The following KIF6 variants were observed in gnomAD, a reference collection of about 807,000 sequenced individuals.
KIF6 encodes the protein kinesin-like protein KIF6.
Under a neutral mutation model 112.7 loss-of-function variants are expected in KIF6, and 106 were observed. The observed-to-expected ratio is 0.94, with a 90% CI of 0.80 to 1.11. The LOEUF (loss-of-function observed/expected upper bound fraction) is 1.11. KIF6 is among the 50% of genes least tolerant of loss of function. The probability of loss-of-function intolerance (pLI) is 0.00; values close to 1 mark genes in which losing one functional copy is unlikely to be tolerated. For synonymous variants in KIF6, 339 were observed against 339.9 expected, an observed-to-expected ratio of 1.00 and a Z score of 0.03; for missense variants, 929 against 964.0, an observed-to-expected ratio of 0.96 and a Z score of 0.48.
intron 3 of KIF6, among the ~76,000 whole-genome samples, chr6:39,645,321 T>C (rs1411482523): frequency 6.6e-6 from 1 of 152,176 alleles, no homozygotes; most frequent in Non-Finnish European, 1.5e-5. Context: ...CACATTTACA[T>C]GCTAGAAAAA....
chr6:39,343,467 G>T lies in KIF6; in HGVS notation c.2428+242C>A. 6.8e-7 allele frequency: 1 copy of T among 1,468,652 alleles called. No homozygotes were observed. The highest frequency in any genetic ancestry group is 9.1e-7 in the Non-Finnish European group (1 of 1,104,262). 91.0% of individuals were successfully genotyped at this position (1,468,652 alleles called of 1,614,324 possible). A position where few individuals can be genotyped will look rare whatever the true frequency, so the allele number is the denominator to read the frequency against. ...AGAGACAGAGAGCAAGCTCTGCCAA[G>T]AGGGACAGGAGCACCTGGGCCGCCC... On this transcript the variant is annotated intron_variant, in intron 22 of 22. Coordinates refer to ENST00000287152, the MANE Select transcript of KIF6 (RefSeq NM_145027.6). The surrounding 1 kb of genome is among the most constrained non-coding windows in gnomAD (Gnocchi z 4.1).
Position 39,476,862 on chromosome 6 carries a change from C to G in KIF6, c.1646-45701G>C, listed in dbSNP as rs537350925. Reference sequence around the variant, plus strand: ...GTTGCTTTTATAACTGCACTGTGAGCTTATCATATTTTATGCTTCTTGAGG... The same window carrying G: ...GTTGCTTTTATAACTGCACTGTGAGGTTATCATATTTTATGCTTCTTGAGG... On this transcript the variant is annotated intron_variant, in intron 13 of 22. Coordinates refer to ENST00000287152, the MANE Select transcript of KIF6 (RefSeq NM_145027.6). Among the ~76,000 whole-genome samples the G allele has an allele frequency of 3.3e-5, 5 of 152,286 alleles. No individual in the cohort carries two copies. In the East Asian group the frequency reaches 9.6e-4, roughly 29 times the overall value.
At chr6:39,605,502 C>A (rs776461767) in intron 6 of KIF6, among the ~76,000 whole-genome samples, 3 of 151,794 alleles carry the variant, frequency 2.0e-5, no homozygotes, top group African/African-American at 7.3e-5. Context: ...CTGAAATTAC[C>A]TTTTACTATC....
At chr6:39,594,939 C>T (rs887691305) in intron 7 of KIF6, among the ~76,000 whole-genome samples, 1 of 152,028 alleles carries the variant, frequency 6.6e-6, no homozygotes, top group African/African-American at 2.4e-5. Context: ...CTTGAGAAAT[C>T]ATCTAATTCA....
At chr6:39,707,919 G>C (rs957799597) in intron 3 of KIF6, among the ~76,000 whole-genome samples, 1 of 152,228 alleles carries the variant, frequency 6.6e-6, no homozygotes, top group Non-Finnish European at 1.5e-5. Flanking sequence ...GCTAGGGCCA[G>C]AATTGGATTA....
In KIF6 at chr6:39,334,495, G is replaced by C. The variant is rs1368194253; in HGVS notation, c.*2037C>G. 1 of 152,400 alleles carries C rather than the reference G, an allele frequency of 6.6e-6. No homozygotes were observed. Among genetic ancestry groups the C allele is most frequent in the African/African-American group, 2.4e-5 (1 of 41,420 alleles). 9.4% of individuals were successfully genotyped at this position (152,400 alleles called of 1,614,324 possible). On this transcript the variant is annotated 3_prime_UTR_variant, in exon 23 of 23. Transcript: ENST00000287152. ...CTTTGGAGGCTGAGGTGAGAGGATC[G>C]CTTGAGCCCAGGAGTTGGAGGCTGA... is the stretch of plus-strand genomic sequence containing the variant.
At chr6:39,707,914 G>A (rs1460969670) in intron 3 of KIF6, among the ~76,000 whole-genome samples, 2 of 152,118 alleles carry the variant, frequency 1.3e-5, no homozygotes, top group African/African-American at 4.8e-5. Context: ...ACAGGGCTAG[G>A]GCCAGAATTG....
rs577613098 is a variant in KIF6 at position 39,357,456 on chromosome 6, T to C, written c.2083-82A>G. On this transcript the variant is annotated intron_variant, in intron 18 of 22. Coordinates refer to ENST00000287152, the MANE Select transcript of KIF6 (RefSeq NM_145027.6). ...ATGTTTTTGATGTAATTCTTTTTTT[T>C]TTTTTTTTTTGAGATGGAGTCTCGC... The C allele has an allele frequency of 4.7e-4, 426 of 908,610 alleles. 2 individuals are homozygous for C. In the South Asian group the frequency reaches 6.5e-3, roughly 14 times the overall value. 56.3% of individuals were successfully genotyped at this position (908,610 alleles called of 1,614,324 possible).
intron 3 of KIF6, among the ~76,000 whole-genome samples, chr6:39,652,678 T>C (rs1245208850): frequency 2.0e-5 from 3 of 152,204 alleles, no homozygotes; most frequent in Non-Finnish European, 4.4e-5. Flanking sequence ...CTTTTAGACA[T>C]ATTCTTCCTC....
At chr6:39,573,518 A>G (rs1408477341) in intron 10 of KIF6, among the ~76,000 whole-genome samples, 2 of 152,222 alleles carry the variant, frequency 1.3e-5, no homozygotes, top group African/African-American at 4.8e-5. Flanking sequence ...GTTGTGAACG[A>G]GTGCCAAATT....
chr6:39,421,120 G>C (rs759863535), intron 14 of KIF6, among the ~76,000 whole-genome samples: 3 of 152,184 alleles, frequency 2.0e-5, no homozygotes, highest in Non-Finnish European at 4.4e-5. Context: ...GCACCTAATA[G>C]ATAGCTGAAT....
At chr6:39,581,161 CTTTTTTTTTTT>C (rs60321520) in intron 9 of KIF6, among the ~76,000 whole-genome samples, 5 of 78,672 alleles carry the variant, frequency 6.4e-5, no homozygotes, top group Admixed American at 2.9e-4. Context: ...GCTTTACTTT[CTTTTTTTTTTT>C]TTTTTTTTTT....
chr6:39,693,535 AC>A (rs1788346179), intron 3 of KIF6, among the ~76,000 whole-genome samples: 3 of 152,310 alleles, frequency 2.0e-5, no homozygotes, highest in Admixed American at 6.5e-5. Context: ...ACTACTATGA[AC>A]ATCTCTATGC....
intron 8 of KIF6, among the ~76,000 whole-genome samples, 176 bp downstream of exon 8, chr6:39,586,085 C>A (rs571962906): frequency 1.3e-5 from 2 of 152,260 alleles, no homozygotes; most frequent in South Asian, 4.1e-4. Context: ...TAACAATGAC[C>A]CACAAATAGC....
At chr6:39,460,536 T>TAAAAAAAAAA (rs759528125) in intron 13 of KIF6, among the ~76,000 whole-genome samples, 4 of 57,074 alleles carry the variant, frequency 7.0e-5, no homozygotes, top group Non-Finnish European at 9.5e-5. Context: ...AAAAAAAAAG[T>TAAAAAAAAAA]AAAAAAAAAA....
chr6:39,436,838 T>G (rs1434555722), intron 13 of KIF6, among the ~76,000 whole-genome samples: 1 of 152,234 alleles, frequency 6.6e-6, no homozygotes, highest in Non-Finnish European at 1.5e-5. Context: ...AGGATTGCTT[T>G]GGCTATTCAG....
chr6:39,492,260 AG>A (rs1775521791), intron 13 of KIF6, among the ~76,000 whole-genome samples: 1 of 152,212 alleles, frequency 6.6e-6, no homozygotes, highest in Non-Finnish European at 1.5e-5. Context: ...ACCAAAGTGG[AG>A]AAGGACTTAT....
intron 13 of KIF6, 133 bp from the exon 14 acceptor site, chr6:39,431,294 G>T (rs2150381547): frequency 1.6e-6 from 1 of 606,240 alleles, no homozygotes; most frequent in Admixed American, 2.8e-5. Context: ...GACCAGACAG[G>T]TGGCCCCAGG....
chr6:39,494,286 C>T (rs927076499), intron 13 of KIF6, among the ~76,000 whole-genome samples: 2 of 152,154 alleles, frequency 1.3e-5, no homozygotes, highest in African/African-American at 4.8e-5. Flanking sequence ...TTAGCTAAAT[C>T]CCAGGAACAT....
Sources: gnomAD v4.1 joint callset for allele counts (sites outside exome capture counted in the v4.1 genomes callset) on GRCh38, gnomAD v4.1.1 for gene constraint, Gnocchi (gnomAD v3.1) non-coding constraint, MANE v1.5 for transcripts, NCBI Gene and HGNC (gene_info 2026-07-23, HGNC 2026-07-21) for gene names.